SRRM3: variants seen among roughly 807,000 people sequenced by gnomAD.
SRRM3 encodes the protein serine/arginine repetitive matrix protein 3.
Under a neutral mutation model 66.2 loss-of-function variants are expected in SRRM3, and 27 were observed. The observed-to-expected ratio is 0.41, with a 90% CI of 0.30 to 0.56. SRRM3 has a LOEUF of 0.56. Among genes scored for constraint, SRRM3 ranks in the 20% least tolerant of loss-of-function variants. SRRM3 has a pLI of 0.32. For synonymous variants in SRRM3, 391 were observed against 414.9 expected (o/e 0.94, Z 0.70); for missense variants, 918 against 991.9 (o/e 0.93, Z 1.00).
At chr7:76,274,060 C>T (rs1417165182) in intron 11 of SRRM3, among the ~76,000 whole-genome samples, 2 of 152,234 alleles carry the variant, frequency 1.3e-5, no homozygotes, top group East Asian at 3.9e-4. Flanking sequence ...TGCGAAGCCC[C>T]TCCTCACCCT....
At chr7:76,250,112 C>T (rs1221293537) in intron 3 of SRRM3, among the ~76,000 whole-genome samples, 6 of 152,042 alleles carry the variant, frequency 3.9e-5, no homozygotes, top group Admixed American at 6.6e-5. Context: ...GGCGTGCTCT[C>T]GGGTCACTGC....
chr7:76,265,100 G>C (rs1801975720), intron 9 of SRRM3, among the ~76,000 whole-genome samples: 1 of 152,122 alleles, frequency 6.6e-6, no homozygotes, highest in Admixed American at 6.6e-5. Context: ...TGAGGGCTGA[G>C]GGGGGTCTTG....
chr7:76,260,894 C>A lies in SRRM3; in HGVS notation c.566C>A (p.Ser189Tyr), dbSNP rs1554608595. The A allele has an allele frequency of 1.9e-6, 3 of 1,561,660 alleles. No homozygotes were observed. The highest frequency in any genetic ancestry group is 1.4e-5 in the African/African-American group (1 of 73,526). Residue 189 changes from serine (S) to tyrosine (Y), a missense_variant, in exon 6 of 15, where the codon TCC becomes TAC. Physicochemically the swap from Ser to Tyr is moderately radical, Grantham distance 144. Coordinates refer to ENST00000611745, the MANE Select transcript of SRRM3 (RefSeq NM_001110199.3). ...RRSRKKRRLE[S>Y]ECSCGSSSPL... ...CTCAGCAAAAAGAGGAGACTGGAGT[C>A]CGAATGCAGGTCAGTGGGGACAGAG...
chr7:76,247,839 C>T (rs1554606310), intron 2 of SRRM3, among the ~76,000 whole-genome samples: 3 of 152,078 alleles, frequency 2.0e-5, no homozygotes, highest in African/African-American at 4.8e-5. Flanking sequence ...GGATTGCAGG[C>T]GCCCACCACC....
chr7:76,218,586 G>A (rs144487539), intron 1 of SRRM3, among the ~76,000 whole-genome samples: 1 of 151,602 alleles, frequency 6.6e-6, no homozygotes, highest in East Asian at 1.9e-4. Flanking sequence ...GGGGAGAAGA[G>A]ACCAAACCAC....
chr7:76,260,296 C>G, intron 5 of SRRM3, 99 bp downstream of exon 5: 1 of 924,200 alleles, frequency 1.1e-6, no homozygotes, highest in Non-Finnish European at 1.5e-6. Flanking sequence ...TTTGTGAGCC[C>G]CGCCCCTCTC....
At chr7:76,274,474 A>G (rs1802291206) in intron 11 of SRRM3, among the ~76,000 whole-genome samples, 1 of 152,228 alleles carries the variant, frequency 6.6e-6, no homozygotes, top group South Asian at 2.1e-4. Flanking sequence ...AGTCTCTGTG[A>G]GACAATTTAC....
At chr7:76,263,242 G>A (rs1801925769) in intron 8 of SRRM3, among the ~76,000 whole-genome samples, 1 of 152,214 alleles carries the variant, frequency 6.6e-6, no homozygotes, top group Non-Finnish European at 1.5e-5. Context: ...GCCCAAAGCA[G>A]GCTCCAGCAC....
chr7:76,233,544 C>A (rs149083389), intron 1 of SRRM3, among the ~76,000 whole-genome samples: 135 of 152,218 alleles, frequency 8.9e-4, no homozygotes, highest in Non-Finnish European at 1.5e-3. Context: ...CCTGGGAAAA[C>A]CCCTGGTGGA....
chr7:76,262,125 G>A (rs1801889113), intron 8 of SRRM3, among the ~76,000 whole-genome samples: 1 of 152,024 alleles, frequency 6.6e-6, no homozygotes, highest in South Asian at 2.1e-4. Context: ...CTTGTTCAGG[G>A]TGGACTGGGG....
At chr7:76,283,755 G>C (rs1802591995) in intron 14 of SRRM3, 1 of 984,292 alleles carries the variant, frequency 1.0e-6, no homozygotes, top group Non-Finnish European at 1.2e-6. Flanking sequence ...CAGCTGTGGG[G>C]CTGTGCCCAG....
Position 76,265,829 on chromosome 7 carries a change from TA to T in SRRM3, c.830+362del, listed in dbSNP as rs1554609491. Among the ~76,000 whole-genome samples, 37 of 12,874 alleles carry T rather than the reference TA, an allele frequency of 2.9e-3. 3 individuals are homozygous for T. In the South Asian group the frequency reaches 0.033, roughly 11 times the overall value. The allele number at this position is 12,874 out of a possible 152,430, so 8.4% of individuals were successfully genotyped here. On this transcript the variant is annotated intron_variant, in intron 10 of 14. Coordinates refer to ENST00000611745, the MANE Select transcript of SRRM3 (RefSeq NM_001110199.3). ...ATATTTTATATATTTAATAAATATT[TA>T]TATATATATATATATATATATATAT...
chr7:76,204,844 A>C (rs782326912), intron 1 of SRRM3, among the ~76,000 whole-genome samples: 53 of 152,174 alleles, frequency 3.5e-4, no homozygotes, highest in Admixed American at 3.9e-4. Context: ...AGGCCAAGGC[A>C]GGAGGATCCC....
At chr7:76,204,728 T>C (rs1554600964) in intron 1 of SRRM3, among the ~76,000 whole-genome samples, 1 of 152,112 alleles carries the variant, frequency 6.6e-6, no homozygotes, top group African/African-American at 2.4e-5. Context: ...CTGTATGACC[T>C]TGAAGGGGTC....
chr7:76,219,501 G>T (rs1302749906), intron 1 of SRRM3, among the ~76,000 whole-genome samples: 1 of 152,180 alleles, frequency 6.6e-6, no homozygotes, highest in Non-Finnish European at 1.5e-5. Flanking sequence ...AGAAGCCTGA[G>T]GGGATGCCCT....
intron 2 of SRRM3, among the ~76,000 whole-genome samples, 170 bp from the exon 3 acceptor site, chr7:76,248,018 G>T (rs991411773): frequency 1.3e-5 from 2 of 152,160 alleles, no homozygotes; most frequent in Admixed American, 6.6e-5. Context: ...GTGAACTTGA[G>T]CTTCCTCAGT....
Position 76,207,123 on chromosome 7 carries a change from G to A in SRRM3, c.-40+5056G>A, listed in dbSNP as rs548592543. Among the ~76,000 whole-genome samples the A allele has an allele frequency of 4.8e-5, 7 of 147,026 alleles. No homozygotes were observed. The South Asian group carries it at 1.1e-3, about 23-fold the overall frequency. On this transcript the variant is annotated intron_variant, in intron 1 of 14. Coordinates refer to ENST00000611745, the MANE Select transcript of SRRM3 (RefSeq NM_001110199.3). The stretch of plus-strand genomic sequence containing the variant: ...AGCCTAGGCGGCATAGCAAGACCTC[G>A]GCTCACTAAAAAAAAATAAAAATAA...
intron 1 of SRRM3, among the ~76,000 whole-genome samples, chr7:76,215,717 T>G (rs1423701354): frequency 7.1e-6 from 1 of 141,730 alleles, no homozygotes; most frequent in Non-Finnish European, 1.5e-5. Flanking sequence ...AACCTCTGCC[T>G]CCCAGGTTCA....
chr7:76,275,682 G>A (rs1054089867), intron 11 of SRRM3, among the ~76,000 whole-genome samples: 1 of 152,002 alleles, frequency 6.6e-6, no homozygotes, highest in Admixed American at 6.6e-5. Context: ...AACATCTCAG[G>A]TGTTTACCTG....
Sources: allele counts gnomAD v4.1 joint callset (sites outside exome capture counted in the v4.1 genomes callset), GRCh38; gene constraint gnomAD v4.1.1; transcripts MANE v1.5; gene names NCBI Gene and HGNC (gene_info 2026-07-23, HGNC 2026-07-21).